LRBA: variants seen among roughly 807,000 people sequenced by gnomAD.
LRBA encodes LPS responsive beige-like anchor protein.
In LRBA, 176 loss-of-function variants were observed where a neutral mutation model predicts 330.0. The observed-to-expected ratio is 0.53, with a 90% CI of 0.47 to 0.60. The LOEUF (loss-of-function observed/expected upper bound fraction) is 0.60. LRBA is among the 20% of genes least tolerant of loss of function. The pLI is 0.00. For missense variants in LRBA, 3,259 were observed against 3,444.8 expected (o/e 0.95, Z 1.35); for synonymous variants, 1,230 against 1,193.0 (o/e 1.03, Z -0.64).
intron 49 of LRBA, among the ~76,000 whole-genome samples, chr4:150,324,156 T>TG (rs1285012715): frequency 6.6e-6 from 1 of 152,144 alleles, no homozygotes. Context: ...CTGCTCTGCC[T>TG]GTATGAGCCA....
chr4:150,602,903 A>G (rs1228953500), intron 37 of LRBA, among the ~76,000 whole-genome samples: 1 of 152,220 alleles, frequency 6.6e-6, no homozygotes, highest in Non-Finnish European at 1.5e-5. Context: ...ATAAGCATGG[A>G]TAAGATCAGA....
At chr4:150,528,450 G>A (rs1175472127) in intron 40 of LRBA, among the ~76,000 whole-genome samples, 4 of 150,498 alleles carry the variant, frequency 2.7e-5, no homozygotes, top group Non-Finnish European at 4.4e-5. Flanking sequence ...GCAGTGAGCC[G>A]AGATCACGCC....
At chr4:150,803,083 T>TATACAC (rs748531851) in intron 33 of LRBA, among the ~76,000 whole-genome samples, 3,718 of 128,402 alleles carry the variant, frequency 0.029, 62 homozygotes, top group African/African-American at 0.048. Flanking sequence ...AAAATATATA[T>TATACAC]ACACACACAC....
chr4:150,413,771 T>C (rs1747346303), intron 47 of LRBA, among the ~76,000 whole-genome samples: 1 of 152,152 alleles, frequency 6.6e-6, no homozygotes, highest in African/African-American at 2.4e-5. Flanking sequence ...TTATTATATA[T>C]AGATTGTACC....
intron 47 of LRBA, among the ~76,000 whole-genome samples, chr4:150,412,885 A>G (rs1692071459): frequency 6.6e-6 from 1 of 151,298 alleles, no homozygotes; most frequent in South Asian, 2.1e-4. Context: ...TAGTTAAAAC[A>G]TTTTTTAAAT....
At chr4:150,296,221 TAG>T (rs1308249753) in intron 53 of LRBA, among the ~76,000 whole-genome samples, 4 of 152,152 alleles carry the variant, frequency 2.6e-5, no homozygotes, top group African/African-American at 9.7e-5. Context: ...CTGAAAACTA[TAG>T]AGGAGTTTCA....
chr4:150,527,646 A>G (rs995325149), intron 40 of LRBA, among the ~76,000 whole-genome samples: 4 of 152,206 alleles, frequency 2.6e-5, no homozygotes, highest in African/African-American at 7.2e-5. Context: ...TAACTAAAAT[A>G]TACTGGAAAC....
intron 40 of LRBA, among the ~76,000 whole-genome samples, chr4:150,500,402 C>T (rs1167935132): frequency 6.6e-6 from 1 of 152,030 alleles, no homozygotes; most frequent in African/African-American, 2.4e-5. Context: ...ATGGTGAAAC[C>T]CTGTCTCTAC....
At chr4:150,611,943 C>G (rs186509289) in intron 37 of LRBA, among the ~76,000 whole-genome samples, 6 of 152,126 alleles carry the variant, frequency 3.9e-5, no homozygotes, top group Non-Finnish European at 8.8e-5. Flanking sequence ...CACTCTGTTG[C>G]TCAGGCTGGA....
chr4:150,324,385 G>A (rs1447991155), intron 49 of LRBA, among the ~76,000 whole-genome samples: 3 of 152,036 alleles, frequency 2.0e-5, no homozygotes, highest in African/African-American at 4.8e-5. Context: ...GTAGTCTTCT[G>A]CCCACTAAAG....
rs550585161 is a variant in LRBA, at chr4:150,288,526, T to C, written c.8018-2492A>G. Among the ~76,000 whole-genome samples, 11 of 152,084 alleles carry C rather than the reference T, an allele frequency of 7.2e-5. No homozygotes were observed. In the East Asian group the frequency reaches 2.0e-3, roughly 27 times the overall value. On this transcript the variant is annotated intron_variant, in intron 53 of 56. Transcript: ENST00000651943. ...ATTGCTTGAACCTGGGAGGTGGAGGTTGCAGTGAGCCGAGATCACGCCACT... is the reference window on the plus strand; with the variant it reads ...ATTGCTTGAACCTGGGAGGTGGAGGCTGCAGTGAGCCGAGATCACGCCACT...
At chr4:150,853,298 G>C (rs1212096129) in intron 22 of LRBA, among the ~76,000 whole-genome samples, 1 of 152,148 alleles carries the variant, frequency 6.6e-6, no homozygotes, top group Non-Finnish European at 1.5e-5. Context: ...TTATGCACTG[G>C]ATAACACTTG....
At chr4:150,594,857 C>G (rs552353902) in intron 38 of LRBA, among the ~76,000 whole-genome samples, 1 of 151,900 alleles carries the variant, frequency 6.6e-6, no homozygotes, top group Non-Finnish European at 1.5e-5. Context: ...CACCACAAAA[C>G]AGGTAAGTAG....
At chr4:150,880,474 C>T (rs544024478) in intron 17 of LRBA, among the ~76,000 whole-genome samples, 3 of 149,444 alleles carry the variant, frequency 2.0e-5, no homozygotes, top group African/African-American at 7.4e-5. Context: ...GAGCTGTGAT[C>T]GTGCCACTGC....
At chr4:150,332,794 T>C (rs899552114) in intron 48 of LRBA, among the ~76,000 whole-genome samples, 5 of 152,108 alleles carry the variant, frequency 3.3e-5, no homozygotes, top group Non-Finnish European at 5.9e-5. Flanking sequence ...TATATAGTAA[T>C]AAAAAAGACT....
intron 2 of LRBA, among the ~76,000 whole-genome samples, chr4:150,953,840 G>A (rs1223932165): frequency 2.0e-5 from 3 of 151,154 alleles, no homozygotes; most frequent in Admixed American, 6.6e-5. Flanking sequence ...GGGATGTGAG[G>A]AGCCCCTCTG....
At chr4:150,868,005 G>A (rs906703233) in intron 21 of LRBA, 142 bp from the exon 22 acceptor site, 51 of 890,940 alleles carry the variant, frequency 5.7e-5, no homozygotes, top group Non-Finnish European at 7.8e-5. Flanking sequence ...AGAACAATTC[G>A]ACAATGTGGT....
At chr4:150,278,108 A>AAG (rs765925414) in intron 55 of LRBA, 104 bp from the exon 56 acceptor site, 1 of 937,890 alleles carries the variant, frequency 1.1e-6, no homozygotes, top group Non-Finnish European at 1.6e-6. Context: ...GTGCAGAGAG[A>AAG]AGAGAGAGAG....
At chr4:150,712,903 G>A (rs112961986) in intron 36 of LRBA, among the ~76,000 whole-genome samples, 2,669 of 152,064 alleles carry the variant, frequency 0.018, 62 homozygotes, top group African/African-American at 0.057. Context: ...ATTATGTTTC[G>A]AAAAGCCACA....
Sources: allele counts gnomAD v4.1 joint callset (sites outside exome capture counted in the v4.1 genomes callset), GRCh38; gene constraint gnomAD v4.1.1; transcripts MANE v1.5; gene names NCBI Gene and HGNC (gene_info 2026-07-23, HGNC 2026-07-21).